FOXK2: variants seen among roughly 807,000 people sequenced by gnomAD.
The protein encoded by FOXK2 is forkhead box K2.
Under a neutral mutation model 53.3 loss-of-function variants are expected in FOXK2, and 24 were observed. The ratio of observed to expected loss-of-function variants is 0.45; its 90% confidence interval spans 0.33 to 0.63. The LOEUF (loss-of-function observed/expected upper bound fraction) is 0.63. FOXK2 is among the 30% of genes least tolerant of loss of function. FOXK2 has a pLI of 0.03. For missense variants in FOXK2, 952 were observed against 910.5 expected (o/e 1.05, Z -0.59); for synonymous variants, 505 against 407.1 (o/e 1.24, Z -2.89).
intron 4 of FOXK2, among the ~76,000 whole-genome samples, chr17:82,573,498 C>G (rs1231184183): frequency 6.6e-6 from 1 of 151,920 alleles, no homozygotes; most frequent in Non-Finnish European, 1.5e-5. Context: ...CTCTATAAAA[C>G]TGAGGCTGTG....
chr17:82,549,091 G>A (rs900392539), intron 1 of FOXK2, among the ~76,000 whole-genome samples: 17 of 152,314 alleles, frequency 1.1e-4, no homozygotes, highest in Admixed American at 6.5e-4. Flanking sequence ...AACACATCCC[G>A]AATGACTGAA....
At chr17:82,591,614 A>G (rs1194453685) in intron 8 of FOXK2, among the ~76,000 whole-genome samples, 1 of 152,126 alleles carries the variant, frequency 6.6e-6, no homozygotes, top group East Asian at 1.9e-4. Flanking sequence ...CATGGAAAGG[A>G]AAGCCTGGCA....
At chr17:82,584,514 G>A in intron 6 of FOXK2, among the ~76,000 whole-genome samples, 1 of 122,246 alleles carries the variant, frequency 8.2e-6, no homozygotes, top group African/African-American at 3.1e-5. Flanking sequence ...AACCCATGAA[G>A]TAGACAAACT....
intron 3 of FOXK2, 42 bp from the exon 4 acceptor site, chr17:82,571,682 G>A: frequency 2.1e-6 from 3 of 1,455,662 alleles, no homozygotes; most frequent in Non-Finnish European, 2.7e-6. Flanking sequence ...TACAAAATAT[G>A]GTAACTTCAA....
At chr17:82,568,435 G>A (rs1231417797) in intron 3 of FOXK2, among the ~76,000 whole-genome samples, 1 of 152,232 alleles carries the variant, frequency 6.6e-6, no homozygotes, top group Non-Finnish European at 1.5e-5. Flanking sequence ...ATAGCTGTAG[G>A]CCCAGGTGCT....
chr17:82,555,356 C>T (rs747426261), intron 1 of FOXK2, among the ~76,000 whole-genome samples: 9 of 152,160 alleles, frequency 5.9e-5, no homozygotes, highest in Non-Finnish European at 1.3e-4. Flanking sequence ...CCCCCACCTC[C>T]GTTCTGTTGT....
At chr17:82,543,575 A>G (rs948819474) in intron 1 of FOXK2, among the ~76,000 whole-genome samples, 1 of 152,122 alleles carries the variant, frequency 6.6e-6, no homozygotes, top group South Asian at 2.1e-4. Flanking sequence ...CTGCTCTGAG[A>G]ATGGTCATGA....
At chr17:82,542,307 G>A (rs919058611) in intron 1 of FOXK2, among the ~76,000 whole-genome samples, 10 of 151,788 alleles carry the variant, frequency 6.6e-5, no homozygotes, top group African/African-American at 2.2e-4. Flanking sequence ...GATTACAGGT[G>A]CGCACTACCA....
At chr17:82,560,001 CTT>C (rs10583366) in intron 1 of FOXK2, among the ~76,000 whole-genome samples, 261 of 97,560 alleles carry the variant, frequency 2.7e-3, no homozygotes, top group African/African-American at 5.8e-3. Context: ...TCTGGATAGA[CTT>C]TTTTTTTTTT....
chr17:82,545,705 C>G (rs1343453739), intron 1 of FOXK2, among the ~76,000 whole-genome samples: 4 of 151,960 alleles, frequency 2.6e-5, no homozygotes, highest in African/African-American at 4.8e-5. Context: ...TCTCAGCCTC[C>G]TGAGTGGCTG....
chr17:82,552,947 T>C (rs1349217246), intron 1 of FOXK2, among the ~76,000 whole-genome samples: 1 of 152,216 alleles, frequency 6.6e-6, no homozygotes, highest in African/African-American at 2.4e-5. Flanking sequence ...TCTTTCTTTT[T>C]TATTTTTGGA....
At chr17:82,563,016 A>G (rs2044813532) in intron 1 of FOXK2, among the ~76,000 whole-genome samples, 1 of 152,114 alleles carries the variant, frequency 6.6e-6, no homozygotes, top group Non-Finnish European at 1.5e-5. Flanking sequence ...TGTGTTGCCC[A>G]GGCTGGTCTT....
intron 1 of FOXK2, among the ~76,000 whole-genome samples, chr17:82,533,647 A>G (rs935466226): frequency 9.9e-5 from 15 of 152,164 alleles, no homozygotes; most frequent in African/African-American, 3.1e-4. Context: ...CTCATGAGTA[A>G]TTCATTGCAC....
At chr17:82,582,447 C>T (rs2045075112) in intron 4 of FOXK2, among the ~76,000 whole-genome samples, 4 of 152,194 alleles carry the variant, frequency 2.6e-5, no homozygotes, top group African/African-American at 7.2e-5. Context: ...GAATTGCTCA[C>T]CCAGGCGGGA....
intron 1 of FOXK2, among the ~76,000 whole-genome samples, chr17:82,524,142 C>T (rs9912538): frequency 0.17 from 25,295 of 152,124 alleles, 2,614 homozygotes; most frequent in East Asian, 0.39. Context: ...GTCCCGCCTC[C>T]GCTTCCCAAA....
intron 1 of FOXK2, among the ~76,000 whole-genome samples, chr17:82,521,346 G>C (rs553990240): frequency 1.3e-4 from 19 of 151,820 alleles, no homozygotes; most frequent in Admixed American, 1.1e-3. Context: ...CTAATTTTTT[G>C]TATTTTTAGT....
intron 8 of FOXK2, among the ~76,000 whole-genome samples, chr17:82,590,680 T>C (rs975673888): frequency 1.3e-5 from 2 of 152,236 alleles, no homozygotes; most frequent in Admixed American, 6.5e-5. Flanking sequence ...GCAGTAGAGC[T>C]GCCAGTCACA....
chr17:82,586,263 GA>G (rs2045151418), intron 7 of FOXK2, 63 bp downstream of exon 7: 8 of 398,362 alleles, frequency 2.0e-5, no homozygotes, highest in African/African-American at 8.6e-5. Flanking sequence ...GCCGGGGGGG[GA>G]AAGGAGGAGA....
chr17:82,601,446 C>T lies in FOXK2; in HGVS notation c.1930C>T (p.Leu644=). ...AGACGGCGAGGGCATCGTCATTGCC[C>T]TGAGCGTGGACACGCCACCGGCAGC... ...TEDGEGIVIA[L]SVDTPPAAVR... Residue 644 remains leucine, a synonymous_variant, in exon 9 of 9, where the codon CTG becomes TTG. Transcript: ENST00000335255. 1 of 1,612,558 alleles carries T rather than the reference C, an allele frequency of 6.2e-7. No individual in the cohort carries two copies. The highest frequency in any genetic ancestry group is 8.5e-7 in the Non-Finnish European group (1 of 1,179,918).
Sources: allele counts gnomAD v4.1 joint callset (sites outside exome capture counted in the v4.1 genomes callset), GRCh38; gene constraint gnomAD v4.1.1; transcripts MANE v1.5; gene names NCBI Gene and HGNC (gene_info 2026-07-23, HGNC 2026-07-21).